SYT14: variants seen among roughly 807,000 people sequenced by gnomAD.
SYT14 encodes synaptotagmin-14.
Under a neutral mutation model 74.2 loss-of-function variants are expected in SYT14, and 32 were observed. The observed-to-expected ratio is 0.43, with a 90% CI of 0.33 to 0.58. The LOEUF (loss-of-function observed/expected upper bound fraction) is 0.58, where lower values mean the gene tolerates loss of function less well. Ranked by LOEUF, SYT14 falls within the 20% of genes least tolerant of loss-of-function variation. The pLI is 0.05. For synonymous variants in SYT14, 298 were observed against 337.7 expected (o/e 0.88, Z 1.29); for missense variants, 791 against 981.8 (o/e 0.81, Z 2.60).
intron 8 of SYT14, among the ~76,000 whole-genome samples, chr1:210,156,354 A>ACTG (rs2083266592): frequency 6.6e-6 from 1 of 152,106 alleles, no homozygotes; most frequent in African/African-American, 2.4e-5. Flanking sequence ...TTAAGAAGAA[A>ACTG]CTATTACTTC....
rs9803620 is a variant in SYT14, at chr1:209,966,161, C to T, written c.-486+13405C>T. 0.084 allele frequency: 23,420 copies of T among 278,302 alleles called. 4,855 individuals carry two copies. The highest frequency in any genetic ancestry group is 0.46 in the African/African-American group (20,598 of 44,570). 17.2% of individuals were successfully genotyped at this position (278,302 alleles called of 1,614,324 possible). A position where few individuals can be genotyped will look rare whatever the true frequency, so the allele number is the denominator to read the frequency against. On this transcript the variant is annotated intron_variant, in intron 2 of 9. Coordinates refer to ENST00000637265, the Ensembl canonical transcript of SYT14. ...CTGAGGTTACAGGCATGAGCCACCGCGCCCGTTCTATTTTTGAACTTTATC... is the reference window on the plus strand; with the variant it reads ...CTGAGGTTACAGGCATGAGCCACCGTGCCCGTTCTATTTTTGAACTTTATC...
intron 5 of SYT14, among the ~76,000 whole-genome samples, chr1:210,044,292 A>C (rs1226200806): frequency 6.6e-6 from 1 of 152,166 alleles, no homozygotes; most frequent in Admixed American, 6.5e-5. Flanking sequence ...TTCTAGTTCA[A>C]GTTGGTTTTG....
chr1:209,983,302 C>T (rs7548989), intron 2 of SYT14, among the ~76,000 whole-genome samples: 71,236 of 151,716 alleles, frequency 0.47, 17,680 homozygotes, highest in Non-Finnish European at 0.56. Context: ...ATTGTTCTGC[C>T]TTTTTCCTCT....
chr1:209,961,376 C>G (rs961512575), intron 2 of SYT14, among the ~76,000 whole-genome samples: 2 of 152,020 alleles, frequency 1.3e-5, no homozygotes, highest in African/African-American at 2.4e-5. Flanking sequence ...AGTAGAAGAA[C>G]AATAAAGTAA....
At chr1:210,077,906 C>T (rs1173547278) in intron 5 of SYT14, among the ~76,000 whole-genome samples, 1 of 152,124 alleles carries the variant, frequency 6.6e-6, no homozygotes, top group African/African-American at 2.4e-5. Context: ...GATTGTTAAA[C>T]AGACCAGAAA....
At chr1:210,106,234 T>G (rs2082155377) in intron 7 of SYT14, among the ~76,000 whole-genome samples, 4 of 152,106 alleles carry the variant, frequency 2.6e-5, no homozygotes, top group Middle Eastern at 3.2e-3. Context: ...GGAAGCAGGA[T>G]TGGGCAGAGA....
intron 4 of SYT14, 125 bp from the exon 4 acceptor site, chr1:210,020,914 T>C (rs1176313084): frequency 2.7e-5 from 20 of 747,018 alleles, no homozygotes; most frequent in Non-Finnish European, 3.5e-5. Context: ...TTTATATATA[T>C]AACTTCAGCA....
intron 2 of SYT14, among the ~76,000 whole-genome samples, chr1:209,973,115 A>G (rs1027960769): frequency 6.8e-6 from 1 of 146,290 alleles, no homozygotes; most frequent in Non-Finnish European, 1.5e-5. Context: ...GTCCTTTTTT[A>G]TTGTTGTTGG....
At chr1:210,139,265 C>CTTTTTTTTTTTTTTTT (rs960923188) in intron 7 of SYT14, among the ~76,000 whole-genome samples, 19 of 95,856 alleles carry the variant, frequency 2.0e-4, no homozygotes, top group Admixed American at 2.6e-4. Flanking sequence ...TTTCTTTTTT[C>CTTTTTTTTTTTTTTTT]TTTTTTTTTT....
chr1:210,009,516 T>A (rs922338236), intron 2 of SYT14, among the ~76,000 whole-genome samples: 3 of 152,192 alleles, frequency 2.0e-5, no homozygotes, highest in African/African-American at 4.8e-5. Context: ...CTTTTTTTTT[T>A]AATTTGTCTG....
chr1:210,127,108 CA>C (rs1479838734), intron 7 of SYT14, among the ~76,000 whole-genome samples: 1 of 152,144 alleles, frequency 6.6e-6, no homozygotes, highest in Non-Finnish European at 1.5e-5. Context: ...GTCCCATACT[CA>C]TTTATAAGTT....
chr1:210,032,421 C>T lies in SYT14; in HGVS notation c.1312+11167C>T, dbSNP rs142600074. ...TGTCCCACACCAGGTATCTCTTACT[C>T]TCAAATCATGTTTTCCTCTCTTGCC... is the stretch of plus-strand genomic sequence containing the variant. On this transcript the variant is annotated intron_variant, in intron 5 of 9. Coordinates refer to ENST00000637265, the Ensembl canonical transcript of SYT14. 7.3e-3 allele frequency among the ~76,000 whole-genome samples: 1,117 copies of T among 152,112 alleles called. 7 individuals are homozygous for T. Among genetic ancestry groups the T allele is most frequent in the African/African-American group, 0.025 (1,050 of 41,542 alleles).
At chr1:210,013,206 G>T (rs759683561) in intron 2 of SYT14, among the ~76,000 whole-genome samples, 13 of 151,564 alleles carry the variant, frequency 8.6e-5, no homozygotes, top group Admixed American at 3.3e-4. Flanking sequence ...AAGTAGCTGG[G>T]ATTACAGGCA....
intron 2 of SYT14, among the ~76,000 whole-genome samples, chr1:209,990,597 ATAAAG>A (rs970458019): frequency 9.3e-6 from 1 of 107,168 alleles, no homozygotes; most frequent in African/African-American, 3.1e-5. Context: ...TTTTAATGAA[ATAAAG>A]TGTGTTGCTT....
At chr1:210,010,194 AT>A (rs1296819985) in intron 2 of SYT14, among the ~76,000 whole-genome samples, 1 of 152,144 alleles carries the variant, frequency 6.6e-6, no homozygotes, top group African/African-American at 2.4e-5. Flanking sequence ...AAATACAAAA[AT>A]TTTTGGATGA....
At chr1:210,131,679 C>A (rs953904186) in intron 7 of SYT14, among the ~76,000 whole-genome samples, 6 of 152,052 alleles carry the variant, frequency 3.9e-5, no homozygotes, top group African/African-American at 1.2e-4. Context: ...TAATTTTCTC[C>A]CTTTTTATAT....
chr1:210,043,304 C>T (rs992625863), intron 5 of SYT14, among the ~76,000 whole-genome samples: 4 of 151,988 alleles, frequency 2.6e-5, no homozygotes, highest in African/African-American at 9.7e-5. Flanking sequence ...ACCATGGAAA[C>T]AGCCTAGTAT....
At chr1:209,981,450 C>CTTTTTTTTTTTTTTTTTT (rs1183885685) in intron 2 of SYT14, among the ~76,000 whole-genome samples, 217 of 99,044 alleles carry the variant, frequency 2.2e-3, no homozygotes, top group Non-Finnish European at 2.9e-3. Context: ...TTTTTCTTTT[C>CTTTTTTTTTTTTTTTTTT]TTTTTTTTTT....
chr1:209,959,775 G>T (rs1403875689), intron 2 of SYT14, among the ~76,000 whole-genome samples: 3 of 152,168 alleles, frequency 2.0e-5, no homozygotes, highest in African/African-American at 7.2e-5. Flanking sequence ...TAGGGGAGGG[G>T]AGAATAGGGA....
Sources: gnomAD v4.1 joint callset for allele counts (sites outside exome capture counted in the v4.1 genomes callset) on GRCh38, gnomAD v4.1.1 for gene constraint, MANE v1.5 for transcripts, NCBI Gene and HGNC (gene_info 2026-07-23, HGNC 2026-07-21) for gene names.